Variants in GTF2A1 observed in about 807,000 individuals in gnomAD.
The protein encoded by GTF2A1 is transcription initiation factor IIA subunit 1.
A neutral mutation model predicts 54.1 loss-of-function variants in GTF2A1; 12 were observed. The ratio of observed to expected loss-of-function variants is 0.22; its 90% CI spans 0.14 to 0.36. The LOEUF (loss-of-function observed/expected upper bound fraction) is 0.36, where lower values mean the gene tolerates loss of function less well. GTF2A1 is among the 10% of genes least tolerant of loss of function. The pLI, the probability that GTF2A1 is intolerant of heterozygous loss-of-function variation, is 1.00. For missense variants in GTF2A1, 335 were observed against 442.2 expected, an observed-to-expected ratio of 0.76 and a Z score of 2.17; for synonymous variants, 145 against 152.0, an observed-to-expected ratio of 0.95 and a Z score of 0.34.
Position 81,176,698 on chromosome 14 carries a change from A to C in GTF2A1, c.*3525T>G, listed in dbSNP as rs898163737. On this transcript the variant is annotated 3_prime_UTR_variant, in exon 9 of 9. Coordinates refer to ENST00000553612, the MANE Select transcript of GTF2A1 (RefSeq NM_015859.4). ...TAACAAACTCATGAGGAAACAAGTA[A>C]AGCAACTATTTTTTAACTAAAGAAT... The C allele has an allele frequency of 6.6e-6, 1 of 152,152 alleles. No homozygotes were observed. The highest frequency in any genetic ancestry group is 1.5e-5 in the Non-Finnish European group (1 of 67,960). The allele number at this position is 152,152 out of a possible 1,614,324, so 9.4% of individuals were successfully genotyped here. A position where few individuals can be genotyped will look rare whatever the true frequency, so the allele number is the denominator to read the frequency against.
At chr14:81,218,480 A>G (rs1893535727) in intron 1 of GTF2A1, among the ~76,000 whole-genome samples, 1 of 152,194 alleles carries the variant, frequency 6.6e-6, no homozygotes, top group African/African-American at 2.4e-5. Flanking sequence ...TCAAGATACT[A>G]ATTTTTGAAA....
At chr14:81,183,915 C>T (rs1031618819) in intron 8 of GTF2A1, among the ~76,000 whole-genome samples, 6 of 152,144 alleles carry the variant, frequency 3.9e-5, no homozygotes, top group Non-Finnish European at 8.8e-5. Context: ...CCTCATTTTG[C>T]GCAGTCAAAG....
intron 8 of GTF2A1, among the ~76,000 whole-genome samples, chr14:81,184,094 A>T (rs748082198): frequency 6.6e-6 from 1 of 152,240 alleles, no homozygotes; most frequent in Non-Finnish European, 1.5e-5. Flanking sequence ...AAAACAGTAA[A>T]GTAATGTCTC....
At chr14:81,191,106 C>T (rs997979946) in intron 7 of GTF2A1, among the ~76,000 whole-genome samples, 4 of 150,822 alleles carry the variant, frequency 2.7e-5, no homozygotes, top group Admixed American at 1.3e-4. Context: ...GGCTAAAACT[C>T]CTAAGTGAGG....
intron 4 of GTF2A1, among the ~76,000 whole-genome samples, chr14:81,199,843 T>C (rs1013731167): frequency 1.3e-5 from 2 of 152,166 alleles, no homozygotes; most frequent in Admixed American, 6.5e-5. Flanking sequence ...TAGAGGGGCC[T>C]ACCACAAGAG....
chr14:81,178,377 AATAATAT>A lies in GTF2A1; in HGVS notation c.*1839_*1845del, dbSNP rs1239846046. On this transcript the variant is annotated 3_prime_UTR_variant, in exon 9 of 9. Transcript: ENST00000553612. ...TCCCATTTCCTCTTCTCTCAGTCTT[AATAATAT>A]ATATTTTAAAACCTCTGTGTGCTTT... is the stretch of plus-strand genomic sequence containing the variant. 1 of 152,164 alleles carries A rather than the reference AATAATAT, an allele frequency of 6.6e-6. No homozygotes were observed. Among genetic ancestry groups the A allele is most frequent in the Non-Finnish European group, 1.5e-5 (1 of 68,010 alleles). 9.4% of individuals were successfully genotyped at this position (152,164 alleles called of 1,614,324 possible).
In GTF2A1 at chr14:81,177,032, T is replaced by C. The variant is rs1027144489; in HGVS notation, c.*3191A>G. 2.0e-5 allele frequency: 3 copies of C among 152,108 alleles called. No individual in the cohort carries two copies. Among genetic ancestry groups the C allele is most frequent in the Non-Finnish European group, 4.4e-5 (3 of 67,954 alleles). The allele number at this position is 152,108 out of a possible 1,614,324, so 9.4% of individuals were successfully genotyped here. ...ATACTCTTAGAGGGAGACAACTCTT[T>C]TCATTCCTCCATAAAAGCCAGGAAA... On this transcript the variant is annotated 3_prime_UTR_variant, in exon 9 of 9. Transcript: ENST00000553612.
chr14:81,204,652 C>G (rs118170191), intron 2 of GTF2A1, among the ~76,000 whole-genome samples: 4,151 of 152,220 alleles, frequency 0.027, 120 homozygotes, highest in Non-Finnish European at 0.04. Context: ...GAAAAAGAAC[C>G]GGCAACGCCC....
chr14:81,193,213 C>A (rs1892914508), intron 6 of GTF2A1, among the ~76,000 whole-genome samples: 2 of 150,576 alleles, frequency 1.3e-5, no homozygotes, highest in African/African-American at 4.9e-5. Context: ...GTCACCCAGG[C>A]TGGAGTGCAA....
At chr14:81,207,188 T>C (rs1467268768) in intron 2 of GTF2A1, among the ~76,000 whole-genome samples, 2 of 144,282 alleles carry the variant, frequency 1.4e-5, no homozygotes, top group Admixed American at 1.4e-4. Context: ...CCTACCTACC[T>C]ACCTGATATG....
intron 3 of GTF2A1, among the ~76,000 whole-genome samples, chr14:81,203,375 G>A (rs1175158694): frequency 6.6e-6 from 1 of 152,070 alleles, no homozygotes; most frequent in Non-Finnish European, 1.5e-5. Flanking sequence ...GTCCATTTAG[G>A]CTTACATAAA....
intron 1 of GTF2A1, among the ~76,000 whole-genome samples, chr14:81,218,889 T>C (rs1036778606): frequency 1.3e-5 from 2 of 151,484 alleles, no homozygotes; most frequent in South Asian, 2.1e-4. Flanking sequence ...TAGGTACTTA[T>C]CTATTTCTCT....
intron 2 of GTF2A1, among the ~76,000 whole-genome samples, chr14:81,208,526 G>T (rs986406443): frequency 6.6e-6 from 1 of 152,210 alleles, no homozygotes; most frequent in Non-Finnish European, 1.5e-5. Context: ...AGTCCCTACT[G>T]GGGCAGTGCC....
chr14:81,201,647 G>T lies in GTF2A1; in HGVS notation c.349C>A (p.Gln117Lys). 1 of 1,609,018 alleles carries T rather than the reference G, an allele frequency of 6.2e-7. No homozygotes were observed. The highest frequency in any genetic ancestry group is 1.1e-5 in the South Asian group (1 of 90,932). Reference protein sequence around the residue: ...IPASQQATAPQVIVPDSKLIQ... With the variant: ...IPASQQATAPKVIVPDSKLIQ... ...AACTTAGAATCTGGAACAATAACTT[G>T]TGGTGCTGTGGCTACAAAAAAACAA... The change falls in exon 4 of 9, where the codon CAA becomes AAA. Residue 117 changes from glutamine to lysine, a missense_variant. Physicochemically the swap from Gln to Lys is moderately conservative, Grantham distance 53. Coordinates refer to ENST00000553612, the MANE Select transcript of GTF2A1 (RefSeq NM_015859.4).
chr14:81,207,217 C>A (rs549410895), intron 2 of GTF2A1, among the ~76,000 whole-genome samples: 9 of 152,072 alleles, frequency 5.9e-5, no homozygotes, highest in Non-Finnish European at 4.4e-5. Context: ...GTATTCCCAA[C>A]AAAATCTCAA....
chr14:81,180,605 T>C (rs956783667), intron 8 of GTF2A1, among the ~76,000 whole-genome samples: 6 of 152,032 alleles, frequency 3.9e-5, no homozygotes, highest in South Asian at 2.1e-4. Flanking sequence ...GGCCTAAAAA[T>C]TGGTTTCTTA....
chr14:81,196,071 A>C (rs1224566042), intron 6 of GTF2A1, 37 bp downstream of exon 6: 3 of 1,592,122 alleles, frequency 1.9e-6, no homozygotes, highest in South Asian at 2.2e-5. Context: ...AGAATAAAAC[A>C]GAACCCCATA....
At chr14:81,203,841 C>T in intron 3 of GTF2A1, 59 bp downstream of exon 3, 1 of 1,403,038 alleles carries the variant, frequency 7.1e-7, no homozygotes, top group South Asian at 1.2e-5. Flanking sequence ...TATTTCTCTT[C>T]TTTCATAATG....
In GTF2A1 at chr14:81,197,497, A is replaced by G. The variant is rs1464896335; in HGVS notation, c.403-13T>C. The G allele has an allele frequency of 1.4e-6, 2 of 1,475,402 alleles. No individual in the cohort carries two copies. Among genetic ancestry groups the G allele is most frequent in the Non-Finnish European group, 1.9e-6 (2 of 1,069,036 alleles). The allele number at this position is 1,475,402 out of a possible 1,614,324, so 91.4% of individuals were successfully genotyped here. ...TAGCAGCAGCACTCTGAAAAAAACA[A>G]AGAAAAAATATCAAAACCACATACA... is the stretch of plus-strand genomic sequence containing the variant. On this transcript the variant is annotated splice_polypyrimidine_tract_variant and intron_variant, in intron 4 of 8. Transcript: ENST00000553612.
Sources: gnomAD v4.1 joint callset for allele counts (sites outside exome capture counted in the v4.1 genomes callset) on GRCh38, gnomAD v4.1.1 for gene constraint, MANE v1.5 for transcripts, NCBI Gene and HGNC (gene_info 2026-07-23, HGNC 2026-07-21) for gene names.